The following ZNF519 variants were observed in gnomAD, a reference collection of about 807,000 sequenced individuals.
The protein encoded by ZNF519 is zinc finger protein 519.
Under a neutral mutation model 7.4 loss-of-function variants are expected in ZNF519, and 7 were observed. That is an observed-to-expected ratio of 0.94 (90% CI 0.54 to 1.77). The LOEUF (loss-of-function observed/expected upper bound fraction) is 1.77. ZNF519 is among the 40% of genes most tolerant of loss of function. ZNF519 has a pLI of 0.00. For missense variants in ZNF519, 586 were observed against 623.1 expected, an observed-to-expected ratio of 0.94 and a Z score of 0.63; for synonymous variants, 179 against 203.3, an observed-to-expected ratio of 0.88 and a Z score of 1.02.
intron 2 of ZNF519, among the ~76,000 whole-genome samples, chr18:14,091,483 G>T (rs2046114089): frequency 6.6e-6 from 1 of 152,144 alleles, no homozygotes; most frequent in African/African-American, 2.4e-5. Flanking sequence ...TATGGTGGAA[G>T]AGAAGCAGCA....
At chr18:14,082,144 T>G (rs555684595) in intron 3 of ZNF519, 1 of 152,276 alleles carries the variant, frequency 6.6e-6, no homozygotes, top group South Asian at 2.1e-4. Context: ...GTTAAATGTT[T>G]TATTCCATTA....
At chr18:14,095,264 T>C (rs1006218305), downstream of ZNF519, among the ~76,000 whole-genome samples, 12 of 152,194 alleles carry the variant, frequency 7.9e-5, no homozygotes, top group Non-Finnish European at 1.8e-4. Flanking sequence ...GTATGGTCAT[T>C]AGCTTCGGGA....
intron 2 of ZNF519, among the ~76,000 whole-genome samples, chr18:14,087,662 T>C (rs1480867122): frequency 6.6e-6 from 1 of 152,196 alleles, no homozygotes; most frequent in East Asian, 1.9e-4. Flanking sequence ...GTTTTCTCAT[T>C]TGCAACATGA....
downstream of ZNF519, among the ~76,000 whole-genome samples, chr18:14,098,112 C>T (rs2143109822): frequency 6.6e-6 from 1 of 152,054 alleles, no homozygotes; most frequent in East Asian, 1.9e-4. Context: ...CTACATTGTC[C>T]CTTTCACTGT....
At chr18:14,114,415 T>C (rs1489186202) in intron 2 of ZNF519, among the ~76,000 whole-genome samples, 1 of 152,218 alleles carries the variant, frequency 6.6e-6, no homozygotes, top group Admixed American at 6.5e-5. Flanking sequence ...ATATATATTC[T>C]TGAAACCTTT....
intron 1 of ZNF519, among the ~76,000 whole-genome samples, chr18:14,127,598 G>C (rs1333865826): frequency 3.9e-5 from 6 of 152,130 alleles, no homozygotes; most frequent in Non-Finnish European, 8.8e-5. Flanking sequence ...TGGGCATTTG[G>C]GCAAGGGGAG....
At chr18:14,080,133 A>C (rs1426469469) in intron 3 of ZNF519, 1 of 152,116 alleles carries the variant, frequency 6.6e-6, no homozygotes, top group East Asian at 1.9e-4. Flanking sequence ...ATGATGCTCC[A>C]CGTCATATTT....
downstream of ZNF519, among the ~76,000 whole-genome samples, chr18:14,096,578 T>C (rs2046137720): frequency 6.6e-6 from 1 of 152,140 alleles, no homozygotes; most frequent in African/African-American, 2.4e-5. Context: ...TAGAGTGGCA[T>C]GGTCATACCT....
intron 2 of ZNF519, among the ~76,000 whole-genome samples, chr18:14,089,235 ATTTT>A (rs1241412523): frequency 6.6e-6 from 1 of 152,218 alleles, no homozygotes; most frequent in East Asian, 1.9e-4. Context: ...GGAACCTAAT[ATTTT>A]TTGAGTATTT....
chr18:14,093,689 C>T (rs1338890108), intron 2 of ZNF519, among the ~76,000 whole-genome samples: 1 of 152,074 alleles, frequency 6.6e-6, no homozygotes, highest in Non-Finnish European at 1.5e-5. Flanking sequence ...GACAGAGAAA[C>T]GAAAGTGGCA....
exon 5 of ZNF519, chr18:14,076,232 A>T (rs972319409): frequency 2.6e-5 from 4 of 152,140 alleles, no homozygotes; most frequent in African/African-American, 4.8e-5. Flanking sequence ...GGTTTTTAAA[A>T]ATGGTTGTAT....
downstream of ZNF519, among the ~76,000 whole-genome samples, chr18:14,097,476 C>T (rs1232872700): frequency 2.0e-5 from 3 of 152,148 alleles, no homozygotes; most frequent in Non-Finnish European, 4.4e-5. Context: ...ACCTCAAGTC[C>T]TCATGGAGGT....
chr18:14,128,890 C>T (rs1567956997), intron 1 of ZNF519, among the ~76,000 whole-genome samples: 1 of 152,188 alleles, frequency 6.6e-6, no homozygotes. Flanking sequence ...TTTGCTCCTA[C>T]AACAGCCGGG....
intron 1 of ZNF519, among the ~76,000 whole-genome samples, chr18:14,128,690 AACACACACACACAC>A (rs71366097): frequency 1.5e-5 from 2 of 130,554 alleles, no homozygotes; most frequent in African/African-American, 6.0e-5. Flanking sequence ...TTCTGAGTCA[AACACACACACACAC>A]ACACACACAC....
intron 2 of ZNF519, among the ~76,000 whole-genome samples, chr18:14,120,500 A>G (rs1361939230): frequency 1.3e-5 from 2 of 152,208 alleles, no homozygotes; most frequent in African/African-American, 2.4e-5. Context: ...CTTTTTGCAT[A>G]TAACACCAAA....
At chr18:14,118,349 C>T (rs372195972) in intron 2 of ZNF519, among the ~76,000 whole-genome samples, 1 of 152,158 alleles carries the variant, frequency 6.6e-6, no homozygotes, top group South Asian at 2.1e-4. Flanking sequence ...TGAGCCACTG[C>T]GCCTGGCCAC....
chr18:14,080,329 T>G (rs1297729495), intron 3 of ZNF519: 1 of 142,394 alleles, frequency 7.0e-6, no homozygotes, highest in Non-Finnish European at 1.5e-5. Flanking sequence ...TTTTTTTTTT[T>G]TTTTTTTTTT....
At chr18:14,125,759 A>G (rs1315327168) in intron 1 of ZNF519, among the ~76,000 whole-genome samples, 3 of 151,810 alleles carry the variant, frequency 2.0e-5, no homozygotes, top group Non-Finnish European at 4.4e-5. Context: ...ATCTTGGCTC[A>G]CTGCAACCTC....
chr18:14,126,936 C>CCTGAG (rs2046302121), intron 1 of ZNF519, among the ~76,000 whole-genome samples: 1 of 152,128 alleles, frequency 6.6e-6, no homozygotes, highest in South Asian at 2.1e-4. Context: ...CCATAATGAT[C>CCTGAG]CTGAGACAGG....
Sources: gnomAD v4.1 joint callset for allele counts (sites outside exome capture counted in the v4.1 genomes callset) on GRCh38, gnomAD v4.1.1 for gene constraint, MANE v1.5 for transcripts, NCBI Gene and HGNC (gene_info 2026-07-23, HGNC 2026-07-21) for gene names.